Variants in BORCS5 observed in about 807,000 individuals in gnomAD.
The protein encoded by BORCS5 is BLOC-1 related complex subunit 5, also known as BLOC-1-related complex subunit 5.
In BORCS5, 17 loss-of-function variants were observed where a neutral mutation model predicts 22.1. The observed-to-expected ratio is 0.77, with a 90% CI of 0.53 to 1.15. The LOEUF (loss-of-function observed/expected upper bound fraction) is 1.15. Ranked by LOEUF, BORCS5 falls within the 50% of genes most tolerant of loss-of-function variation. The pLI is 0.00. For synonymous variants in BORCS5, 117 were observed against 99.8 expected, an observed-to-expected ratio of 1.17 and a Z score of -1.03; for missense variants, 247 against 253.2, an observed-to-expected ratio of 0.98 and a Z score of 0.17.
intron 2 of BORCS5, among the ~76,000 whole-genome samples, chr12:12,423,024 T>C (rs11532310): frequency 0.6 from 90,653 of 151,234 alleles, 28,084 homozygotes; most frequent in African/African-American, 0.7. Flanking sequence ...TTTTTTGAGA[T>C]GGAGTCTCAC....
intron 2 of BORCS5, among the ~76,000 whole-genome samples, chr12:12,366,502 A>G (rs963464260): frequency 3.9e-5 from 6 of 152,188 alleles, no homozygotes; most frequent in African/African-American, 7.2e-5. Context: ...TTTCATAGCA[A>G]TGTCTGAATT....
At chr12:12,360,130 G>A (rs947001651) in intron 1 of BORCS5, among the ~76,000 whole-genome samples, 2 of 152,110 alleles carry the variant, frequency 1.3e-5, no homozygotes, top group East Asian at 1.9e-4. Context: ...TTGGGAGGCC[G>A]AGGTGGGTGG....
At chr12:12,401,010 C>T (rs79657076) in intron 2 of BORCS5, among the ~76,000 whole-genome samples, 10,181 of 152,186 alleles carry the variant, frequency 0.067, 526 homozygotes, top group East Asian at 0.24. Flanking sequence ...TTCACTGCTG[C>T]GTAGTATTCC....
chr12:12,388,673 A>G (rs1863933841), intron 2 of BORCS5, among the ~76,000 whole-genome samples: 1 of 149,814 alleles, frequency 6.7e-6, no homozygotes, highest in Non-Finnish European at 1.5e-5. Context: ...GGGGGGACAT[A>G]TAAGAAAAGG....
intron 2 of BORCS5, among the ~76,000 whole-genome samples, chr12:12,362,277 A>T (rs550115969): frequency 2.6e-5 from 4 of 152,328 alleles, no homozygotes; most frequent in South Asian, 4.1e-4. Context: ...AACCTTCTTC[A>T]TTGATGTCAA....
intron 2 of BORCS5, among the ~76,000 whole-genome samples, chr12:12,403,526 A>AG (rs1228145230): frequency 6.6e-6 from 1 of 152,234 alleles, no homozygotes; most frequent in African/African-American, 2.4e-5. Context: ...AGATGAGGAA[A>AG]GGGTAACAAT....
At chr12:12,393,679 C>CCA (rs1941259506) in intron 2 of BORCS5, among the ~76,000 whole-genome samples, 1 of 53,590 alleles carries the variant, frequency 1.9e-5, no homozygotes, top group Non-Finnish European at 3.9e-5. Context: ...ACCACCATGC[C>CCA]TGCCTAAATT....
rs558062240 is a variant in BORCS5, at chr12:12,369,608, A to G, written c.202+8259A>G. Among the ~76,000 whole-genome samples, 25 of 151,300 alleles carry G rather than the reference A, an allele frequency of 1.7e-4. No homozygotes were observed. The East Asian group carries it at 1.9e-3, about 12-fold the overall frequency. ...TTTAGTGGTTGCTCTAGAGGTTACAATATAGTCTTGATATTTATTATAGTT... is the reference window on the plus strand; with the variant it reads ...TTTAGTGGTTGCTCTAGAGGTTACAGTATAGTCTTGATATTTATTATAGTT... On this transcript the variant is annotated intron_variant, in intron 2 of 3. Coordinates refer to ENST00000314565, the MANE Select transcript of BORCS5 (RefSeq NM_058169.6).
chr12:12,363,829 G>A (rs1218696291), intron 2 of BORCS5, among the ~76,000 whole-genome samples: 1 of 151,966 alleles, frequency 6.6e-6, no homozygotes, highest in Non-Finnish European at 1.5e-5. Flanking sequence ...ACCAGGAGAT[G>A]GAGGTTGCAG....
At chr12:12,396,678 T>C (rs988283782) in intron 2 of BORCS5, among the ~76,000 whole-genome samples, 3 of 152,206 alleles carry the variant, frequency 2.0e-5, no homozygotes, top group Non-Finnish European at 1.5e-5. Flanking sequence ...TCTGTTAATG[T>C]CAAGGAACAG....
At chr12:12,377,099 C>T (rs906046359) in intron 2 of BORCS5, among the ~76,000 whole-genome samples, 2 of 151,828 alleles carry the variant, frequency 1.3e-5, no homozygotes, top group Admixed American at 1.3e-4. Flanking sequence ...GGAGAGAAAA[C>T]GATTTTCAGT....
chr12:12,391,812 G>C (rs370276174), intron 2 of BORCS5, among the ~76,000 whole-genome samples: 1 of 144,522 alleles, frequency 6.9e-6, no homozygotes, highest in African/African-American at 2.6e-5. Flanking sequence ...TGGGCAGATC[G>C]CTTGAGCTCA....
chr12:12,381,189 AG>A (rs1863768263), intron 2 of BORCS5, among the ~76,000 whole-genome samples: 1 of 150,886 alleles, frequency 6.6e-6, no homozygotes, highest in African/African-American at 2.4e-5. Context: ...TAGTAGAGAC[AG>A]GCTTTCACCA....
rs908530414 is a variant in BORCS5, at chr12:12,465,718, C to T, written c.533C>T (p.Pro178Leu). The T allele has an allele frequency of 6.2e-7, 1 of 1,614,184 alleles. No homozygotes were observed. The change falls in exon 4 of 4, where the codon CCC becomes CTC. Residue 178 changes from proline to leucine, a missense_variant. Transcript: ENST00000314565. ...PLLDRLNSML[P>L]EGERLEPFSM... is the part of the protein sequence containing the mutation. Reference sequence around the variant, plus strand: ...CTGGACAGGCTCAACAGCATGCTGCCCGAGGGCGAGCGGCTGGAGCCCTTC... The same window carrying T: ...CTGGACAGGCTCAACAGCATGCTGCTCGAGGGCGAGCGGCTGGAGCCCTTC...
intron 2 of BORCS5, among the ~76,000 whole-genome samples, chr12:12,379,228 C>T (rs1863723987): frequency 6.7e-6 from 1 of 149,366 alleles, no homozygotes; most frequent in South Asian, 2.1e-4. Flanking sequence ...TCAAGTGATT[C>T]TCTTGCCTCA....
rs556911372 is a variant in BORCS5, at chr12:12,465,491, T to C, written c.361-55T>C. On this transcript the variant is annotated intron_variant, in intron 3 of 3. Transcript: ENST00000314565. ...CCCTCACAGGCTGGACACCCGGCCCTGCGGAGAGGACTTGATTAAACAAGG... is the reference window on the plus strand; with the variant it reads ...CCCTCACAGGCTGGACACCCGGCCCCGCGGAGAGGACTTGATTAAACAAGG... The C allele has an allele frequency of 6.1e-5, 91 of 1,497,670 alleles. No individual in the cohort carries two copies. The South Asian group carries it at 8.7e-4, about 14-fold the overall frequency. 92.8% of individuals were successfully genotyped at this position (1,497,670 alleles called of 1,614,324 possible).
chr12:12,439,444 A>G (rs1162389535), intron 3 of BORCS5, among the ~76,000 whole-genome samples: 1 of 152,116 alleles, frequency 6.6e-6, no homozygotes, highest in East Asian at 1.9e-4. Flanking sequence ...CCTGGGCAAC[A>G]TGGTGAAACC....
chr12:12,416,455 A>C (rs1294699617), intron 2 of BORCS5, among the ~76,000 whole-genome samples: 1 of 150,612 alleles, frequency 6.6e-6, no homozygotes, highest in East Asian at 1.9e-4. Flanking sequence ...ATTTTATTTT[A>C]TTTTTTAGAG....
chr12:12,396,698 CT>C (rs1941356524), intron 2 of BORCS5, among the ~76,000 whole-genome samples: 1 of 152,136 alleles, frequency 6.6e-6, no homozygotes, highest in Non-Finnish European at 1.5e-5. Context: ...GTTCATCCTT[CT>C]GGGTCTGTAT....
Sources: gnomAD v4.1 joint callset for allele counts (sites outside exome capture counted in the v4.1 genomes callset) on GRCh38, gnomAD v4.1.1 for gene constraint, MANE v1.5 for transcripts, NCBI Gene and HGNC (gene_info 2026-07-23, HGNC 2026-07-21) for gene names.